Variants in MYO16 observed in about 807,000 individuals in gnomAD.
MYO16 encodes myosin XVI, also known as unconventional myosin-XVI.
In MYO16, 94 loss-of-function variants were observed where a neutral mutation model predicts 205.3. The observed-to-expected ratio is 0.46, with a 90% CI of 0.39 to 0.54. MYO16 has a LOEUF of 0.54. Ranked by LOEUF, MYO16 falls within the 20% of genes least tolerant of loss-of-function variation. MYO16 has a pLI of 0.00. For missense variants in MYO16, 2,315 were observed against 2,387.5 expected (o/e 0.97, Z 0.63); for synonymous variants, 988 against 954.0 (o/e 1.04, Z -0.66).
At chr13:109,204,929 A>C (rs1300588916) in intron 34 of MYO16, among the ~76,000 whole-genome samples, 1 of 152,152 alleles carries the variant, frequency 6.6e-6, no homozygotes, top group East Asian at 1.9e-4. Context: ...GATTTCATGC[A>C]AGCTCCCACC....
intron 14 of MYO16, among the ~76,000 whole-genome samples, chr13:108,888,845 A>C (rs1880029332): frequency 6.6e-6 from 1 of 152,128 alleles, no homozygotes; most frequent in Non-Finnish European, 1.5e-5. Flanking sequence ...ACCTGAGGTC[A>C]GGAGTTCGAG....
At position 109,019,693 on chromosome 13, in the gene MYO16, T is replaced by A. The variant is rs756643219; in HGVS notation, c.2596-18T>A. 17 of 1,597,130 alleles carry A rather than the reference T, an allele frequency of 1.1e-5. No individual in the cohort carries two copies. The highest frequency in any genetic ancestry group is 8.9e-5 in the East Asian group (4 of 44,742). On this transcript the variant is annotated intron_variant, in intron 22 of 34. Transcript: ENST00000457511. ...AAGTAATAGACAAAACAACTCCCCA[T>A]CTCTTCTTAACTCTCAGAAGCCATC...
At chr13:108,597,797 G>A (rs534166143) in intron 1 of MYO16, among the ~76,000 whole-genome samples, 13 of 152,228 alleles carry the variant, frequency 8.5e-5, no homozygotes, top group Admixed American at 6.5e-4. Flanking sequence ...AAGAACATTA[G>A]GTTGTGTTTC....
At chr13:108,670,032 T>C (rs1179023398) in intron 2 of MYO16, among the ~76,000 whole-genome samples, 1 of 152,194 alleles carries the variant, frequency 6.6e-6, no homozygotes, top group Non-Finnish European at 1.5e-5. Context: ...ATGGCATATG[T>C]ATACCTATGT....
At chr13:109,161,161 G>A (rs1485389747) in intron 32 of MYO16, among the ~76,000 whole-genome samples, 1 of 152,244 alleles carries the variant, frequency 6.6e-6, no homozygotes, top group East Asian at 1.9e-4. Context: ...AAGTGGGGAT[G>A]TCGATACTGA....
At chr13:108,745,102 T>C (rs1007427303) in intron 4 of MYO16, among the ~76,000 whole-genome samples, 11 of 152,228 alleles carry the variant, frequency 7.2e-5, no homozygotes, top group African/African-American at 1.7e-4. Flanking sequence ...TCTGAACTGA[T>C]TGAAAATCGG....
At chr13:108,985,722 A>G (rs1026035510) in intron 20 of MYO16, among the ~76,000 whole-genome samples, 6 of 152,222 alleles carry the variant, frequency 3.9e-5, no homozygotes, top group Non-Finnish European at 8.8e-5. Context: ...GCCAACCGTA[A>G]TAATTTCACT....
At chr13:108,596,819 G>A (rs2139292682) in intron 1 of MYO16, among the ~76,000 whole-genome samples, 1 of 152,176 alleles carries the variant, frequency 6.6e-6, no homozygotes, top group Middle Eastern at 3.4e-3. Flanking sequence ...TTTCAGCCTT[G>A]ACACTTTATT....
intron 4 of MYO16, among the ~76,000 whole-genome samples, chr13:108,766,551 G>T (rs1289639654): frequency 6.6e-6 from 1 of 152,096 alleles, no homozygotes; most frequent in African/African-American, 2.4e-5. Flanking sequence ...GTTGCTTTTG[G>T]AATGACCCTT....
intron 12 of MYO16, among the ~76,000 whole-genome samples, chr13:108,868,287 T>C (rs1878828303): frequency 6.6e-6 from 1 of 152,198 alleles, no homozygotes; most frequent in Admixed American, 6.5e-5. Flanking sequence ...TTGCTTCTCT[T>C]CCTTGGTCAT....
chr13:109,178,683 T>C (rs1879329069), intron 33 of MYO16, among the ~76,000 whole-genome samples: 1 of 152,108 alleles, frequency 6.6e-6, no homozygotes, highest in Non-Finnish European at 1.5e-5. Flanking sequence ...TCTCAGCCCG[T>C]GTAGGAGGGG....
At chr13:108,571,053 ATCAGAT>A in the MYO16 span, among the ~76,000 whole-genome samples, 1 of 152,170 alleles carries the variant, frequency 6.6e-6, no homozygotes, top group African/African-American at 2.4e-5. Context: ...GTAAATATAG[ATCAGAT>A]TAGTAGGTTT....
At chr13:109,001,845 A>G (rs1253799948) in intron 21 of MYO16, among the ~76,000 whole-genome samples, 1 of 125,892 alleles carries the variant, frequency 7.9e-6, no homozygotes, top group East Asian at 1.9e-4. Context: ...AACAGCTATT[A>G]AAGTCTCACA....
the MYO16 span, among the ~76,000 whole-genome samples, chr13:108,548,208 T>G: frequency 6.5e-4 from 98 of 151,898 alleles, no homozygotes; most frequent in Non-Finnish European, 9.7e-4. Flanking sequence ...CATATGATAA[T>G]GATGATGATG....
At chr13:108,778,617 T>TAAA (rs36047920) in intron 4 of MYO16, among the ~76,000 whole-genome samples, 2 of 151,364 alleles carry the variant, frequency 1.3e-5, no homozygotes, top group Non-Finnish European at 1.5e-5. Flanking sequence ...AGACTCCATC[T>TAAA]AAAAAAATAT....
the MYO16 span, among the ~76,000 whole-genome samples, chr13:108,556,322 G>C: frequency 6.6e-6 from 1 of 152,132 alleles, no homozygotes; most frequent in East Asian, 1.9e-4. Context: ...TTGGCTAATA[G>C]CCATTTTAAT....
chr13:109,104,034 T>G (rs1348310682), intron 28 of MYO16, among the ~76,000 whole-genome samples: 1 of 152,202 alleles, frequency 6.6e-6, no homozygotes, highest in African/African-American at 2.4e-5. Flanking sequence ...ATTTTAGATT[T>G]GAGGTAATGG....
chr13:108,827,997 T>A (rs1876378662), intron 9 of MYO16, among the ~76,000 whole-genome samples: 1 of 152,184 alleles, frequency 6.6e-6, no homozygotes, highest in Non-Finnish European at 1.5e-5. Flanking sequence ...GGGTTTTTTT[T>A]ACTTATTATT....
At chr13:108,942,295 C>A (rs764708821) in intron 16 of MYO16, among the ~76,000 whole-genome samples, 3 of 152,148 alleles carry the variant, frequency 2.0e-5, no homozygotes, top group Admixed American at 6.5e-5. Flanking sequence ...ATCTGTGTTA[C>A]TTCTAAATGG....
Sources: gnomAD v4.1 joint callset for allele counts (sites outside exome capture counted in the v4.1 genomes callset) on GRCh38, gnomAD v4.1.1 for gene constraint, MANE v1.5 for transcripts, NCBI Gene and HGNC (gene_info 2026-07-23, HGNC 2026-07-21) for gene names.